GNB1: variants seen among roughly 807,000 people sequenced by gnomAD.
GNB1 encodes guanine nucleotide-binding protein G(I)/G(S)/G(T) subunit beta-1.
A neutral mutation model predicts 42.9 loss-of-function variants in GNB1; 2 were observed. The observed-to-expected ratio is 0.05, with a 90% CI of 0.02 to 0.15. The LOEUF (loss-of-function observed/expected upper bound fraction) is 0.15. Among genes scored for constraint, GNB1 ranks in the 10% least tolerant of loss-of-function variants. The pLI is 1.00. For missense variants in GNB1, 193 were observed against 462.2 expected (o/e 0.42, Z 5.34); for synonymous variants, 183 against 174.7 (o/e 1.05, Z -0.38).
intron 2 of GNB1, among the ~76,000 whole-genome samples, chr1:1,833,419 C>T (rs1012122051): frequency 2.0e-5 from 3 of 152,230 alleles, no homozygotes; most frequent in African/African-American, 7.2e-5. Flanking sequence ...TTCCCTTACG[C>T]ACCGCTCCTA....
intron 1 of GNB1, among the ~76,000 whole-genome samples, chr1:1,869,182 T>A: frequency 1.1e-5 from 1 of 93,376 alleles, no homozygotes; most frequent in African/African-American, 4.7e-5. Context: ...CAAGACACCT[T>A]CTCAAAAAAA....
chr1:1,829,752 T>G (rs1484158864), intron 2 of GNB1, among the ~76,000 whole-genome samples: 2 of 152,132 alleles, frequency 1.3e-5, no homozygotes, highest in Non-Finnish European at 2.9e-5. Context: ...TTTCTTTTTT[T>G]TTTGAGATGG....
chr1:1,792,357 A>C (rs1227060013), intron 8 of GNB1, among the ~76,000 whole-genome samples: 2 of 151,976 alleles, frequency 1.3e-5, no homozygotes. Context: ...AAATATATAG[A>C]GGGGAAAAAA....
At chr1:1,887,274 AAAT>A (rs1650207743) in intron 1 of GNB1, among the ~76,000 whole-genome samples, 1 of 152,224 alleles carries the variant, frequency 6.6e-6, no homozygotes. Context: ...TGCACTTCTA[AAAT>A]AATACCAATG....
intron 1 of GNB1, among the ~76,000 whole-genome samples, chr1:1,868,268 C>T (rs796366154): frequency 3.3e-5 from 5 of 152,074 alleles, no homozygotes; most frequent in African/African-American, 4.8e-5. Context: ...CTCTGCCTCC[C>T]GGGTTCGAGC....
At position 1,822,149 on chromosome 1, in the gene GNB1, G is replaced by A. The variant is rs556133347; in HGVS notation, c.57+3248C>T. On this transcript the variant is annotated intron_variant, in intron 3 of 11. Transcript: ENST00000378609. Reference sequence around the variant, plus strand: ...AACCTTGTTAGGGTTAATTCCACCCGTTTCTTTTCATTCTTTTTCAAAAGA... The same window carrying A: ...AACCTTGTTAGGGTTAATTCCACCCATTTCTTTTCATTCTTTTTCAAAAGA... Among the ~76,000 whole-genome samples, 17 of 152,134 alleles carry A rather than the reference G, an allele frequency of 1.1e-4. No homozygotes were observed. The East Asian group carries it at 2.1e-3, about 19-fold the overall frequency.
intron 1 of GNB1, among the ~76,000 whole-genome samples, chr1:1,877,530 G>A (rs1233957811): frequency 6.6e-6 from 1 of 151,850 alleles, no homozygotes; most frequent in Non-Finnish European, 1.5e-5. Flanking sequence ...TAGAGACAGG[G>A]TCTAGCTGTG....
Position 1,786,012 on chromosome 1 carries a change from C to T in GNB1, c.*1051G>A. On this transcript the variant is annotated 3_prime_UTR_variant, in exon 12 of 12. Coordinates refer to ENST00000378609, the MANE Select transcript of GNB1 (RefSeq NM_002074.5). ...CCATATGCACTTTTGAGCATTTCTACAGCATGCGATTCTAAGAGTAAACCC... is the reference window on the plus strand; with the variant it reads ...CCATATGCACTTTTGAGCATTTCTATAGCATGCGATTCTAAGAGTAAACCC... 2.5e-6 allele frequency: 1 copy of T among 398,796 alleles called. No individual in the cohort carries two copies. Among genetic ancestry groups the T allele is most frequent in the Non-Finnish European group, 4.4e-6 (1 of 226,052 alleles). 24.7% of individuals were successfully genotyped at this position (398,796 alleles called of 1,614,324 possible). A position where few individuals can be genotyped will look rare whatever the true frequency, so the allele number is the denominator to read the frequency against.
chr1:1,819,621 C>T (rs1350040686), intron 3 of GNB1, among the ~76,000 whole-genome samples: 2 of 152,144 alleles, frequency 1.3e-5, no homozygotes, highest in African/African-American at 4.8e-5. Flanking sequence ...TCACTGCAGC[C>T]TCGACCTCCT....
intron 2 of GNB1, among the ~76,000 whole-genome samples, chr1:1,826,290 G>A (rs879578771): frequency 2.6e-5 from 4 of 152,158 alleles, no homozygotes; most frequent in East Asian, 3.8e-4. Flanking sequence ...GGTGGCACAC[G>A]CCTGTAATCC....
At chr1:1,835,277 G>A (rs1263061259) in intron 2 of GNB1, among the ~76,000 whole-genome samples, 1 of 152,164 alleles carries the variant, frequency 6.6e-6, no homozygotes, top group Non-Finnish European at 1.5e-5. Context: ...GAAGCCCCAG[G>A]TTCTAACCCA....
At chr1:1,872,395 C>T (rs1649295584) in intron 1 of GNB1, among the ~76,000 whole-genome samples, 1 of 152,216 alleles carries the variant, frequency 6.6e-6, no homozygotes, top group Non-Finnish European at 1.5e-5. Flanking sequence ...AGAGAATGCA[C>T]CATCTGCACG....
At chr1:1,810,077 T>A (rs10907186) in intron 5 of GNB1, among the ~76,000 whole-genome samples, 88,964 of 151,216 alleles carry the variant, frequency 0.59, 27,569 homozygotes, top group East Asian at 0.76. Flanking sequence ...CACAAAAAAA[T>A]ATATATATAT....
chr1:1,800,753 T>TAAAA lies in GNB1; in HGVS notation c.430+3662_430+3665dup, dbSNP rs943269814. On this transcript the variant is annotated intron_variant, in intron 7 of 11. Coordinates refer to ENST00000378609, the MANE Select transcript of GNB1 (RefSeq NM_002074.5). ...GCTAAAAACCAAATCTTTAGATTGT[T>TAAAA]AAAAAAAAAAAAAAAAAAGAAAAAT... Among the ~76,000 whole-genome samples, 953 of 115,202 alleles carry TAAAA rather than the reference T, an allele frequency of 8.3e-3. 12 individuals are homozygous for TAAAA. Among genetic ancestry groups the TAAAA allele is most frequent in the African/African-American group, 0.029 (924 of 31,544 alleles). 75.6% of individuals were successfully genotyped at this position (115,202 alleles called of 152,430 possible). A position where few individuals can be genotyped will look rare whatever the true frequency, so the allele number is the denominator to read the frequency against.
chr1:1,800,753 T>TAAAAAAAAAAAAAAAAAAAAAAAAA (rs943269814), intron 7 of GNB1, among the ~76,000 whole-genome samples: 1 of 115,324 alleles, frequency 8.7e-6, no homozygotes, highest in African/African-American at 3.2e-5. Context: ...TTTAGATTGT[T>TAAAAAAAAAAAAAAAAAAAAAAAAA]AAAAAAAAAA....
At chr1:1,813,521 C>T (rs906018373) in intron 5 of GNB1, among the ~76,000 whole-genome samples, 2 of 152,130 alleles carry the variant, frequency 1.3e-5, no homozygotes, top group Admixed American at 6.6e-5. Flanking sequence ...CTCACTCTGC[C>T]GTGCAGGCTG....
chr1:1,831,390 G>A (rs994701557), intron 2 of GNB1, among the ~76,000 whole-genome samples: 3 of 152,168 alleles, frequency 2.0e-5, no homozygotes, highest in Non-Finnish European at 2.9e-5. Flanking sequence ...AAGGAAGACA[G>A]TAATAATTTG....
chr1:1,862,305 C>T (rs1229373708), intron 1 of GNB1, among the ~76,000 whole-genome samples: 1 of 152,186 alleles, frequency 6.6e-6, no homozygotes, highest in Non-Finnish European at 1.5e-5. Flanking sequence ...TGAAGAGCCA[C>T]TAAGTAACTC....
intron 5 of GNB1, among the ~76,000 whole-genome samples, chr1:1,809,742 A>T (rs561964587): frequency 6.6e-6 from 1 of 152,274 alleles, no homozygotes; most frequent in Non-Finnish European, 1.5e-5. Flanking sequence ...GTGAGAGAAG[A>T]CATGCCTCCT....
Sources: allele counts gnomAD v4.1 joint callset (sites outside exome capture counted in the v4.1 genomes callset), GRCh38; gene constraint gnomAD v4.1.1; transcripts MANE v1.5; gene names NCBI Gene and HGNC (gene_info 2026-07-23, HGNC 2026-07-21).